The following SEC62 variants were observed in gnomAD, a reference collection of about 807,000 sequenced individuals.
SEC62 encodes SEC62 preprotein translocation factor, also known as translocation protein SEC62.
SEC62 carries 10 observed loss-of-function variants against 47.5 expected under a neutral mutation model. The observed-to-expected ratio is 0.21, with a 90% CI of 0.13 to 0.36. The LOEUF is 0.36. Ranked by LOEUF, SEC62 falls within the 10% of genes least tolerant of loss-of-function variation. The probability of loss-of-function intolerance (pLI) is 1.00; values close to 1 mark genes in which losing one functional copy is unlikely to be tolerated. For synonymous variants in SEC62, 136 were observed against 150.5 expected (o/e 0.90, Z 0.71); for missense variants, 327 against 464.1 (o/e 0.70, Z 2.71).
At chr3:169,981,239 T>G (rs1253933810) in intron 3 of SEC62, among the ~76,000 whole-genome samples, 1 of 152,212 alleles carries the variant, frequency 6.6e-6, no homozygotes, top group Non-Finnish European at 1.5e-5. Context: ...TAAAAATAGC[T>G]CTTCCAAATA....
chr3:169,977,289 G>T (rs1190062926), intron 3 of SEC62, among the ~76,000 whole-genome samples: 1 of 151,972 alleles, frequency 6.6e-6, no homozygotes, highest in Non-Finnish European at 1.5e-5. Context: ...CCTACTGAAG[G>T]GTCAGCAACA....
At chr3:169,985,623 C>T (rs1380978612) in intron 5 of SEC62, 182 bp from the exon 6 acceptor site, 2 of 467,960 alleles carry the variant, frequency 4.3e-6, no homozygotes, top group South Asian at 4.4e-5. Context: ...TAATCATTTT[C>T]TAGCGCCAGA....
intron 1 of SEC62, chr3:169,969,313 C>T (rs1037665014): frequency 6.8e-5 from 31 of 456,400 alleles, no homozygotes; most frequent in Middle Eastern, 3.2e-4. Context: ...CGTGTCCCAT[C>T]GAAGTTTCTA....
At chr3:169,976,374 GAAA>G (rs5854361) in intron 2 of SEC62, among the ~76,000 whole-genome samples, 1 of 149,354 alleles carries the variant, frequency 6.7e-6, no homozygotes, top group Non-Finnish European at 1.5e-5. Flanking sequence ...TCTCTTAGAA[GAAA>G]AAAAAAACTA....
chr3:169,986,537 A>G (rs1190630653), intron 6 of SEC62, among the ~76,000 whole-genome samples: 1 of 151,932 alleles, frequency 6.6e-6, no homozygotes, highest in East Asian at 1.9e-4. Context: ...TATACCTAGA[A>G]TAGATAAAAA....
chr3:169,985,731 A>C lies in SEC62; in HGVS notation c.550-74A>C. 3 of 1,219,926 alleles carry C rather than the reference A, an allele frequency of 2.5e-6. No homozygotes were observed. In the South Asian group the frequency reaches 4.2e-5, roughly 17 times the overall value. 75.6% of individuals were successfully genotyped at this position (1,219,926 alleles called of 1,614,324 possible). A position where few individuals can be genotyped will look rare whatever the true frequency, so the allele number is the denominator to read the frequency against. ...GTTGATGACTGCTTTAAGGGACCTA[A>C]AATATAGAATTAAGCATTACTTTCT... On this transcript the variant is annotated intron_variant, in intron 5 of 7. Coordinates refer to ENST00000337002, the MANE Select transcript of SEC62 (RefSeq NM_003262.4).
chr3:169,979,602 C>A (rs1302785220), intron 3 of SEC62, among the ~76,000 whole-genome samples: 1 of 152,186 alleles, frequency 6.6e-6, no homozygotes, highest in East Asian at 1.9e-4. Context: ...TAACTTGCCA[C>A]TTTCCCTAAA....
intron 7 of SEC62, among the ~76,000 whole-genome samples, chr3:169,990,022 CATATATATCATATA>C (rs973272785): frequency 1.3e-4 from 19 of 141,176 alleles, no homozygotes; most frequent in Non-Finnish European, 1.8e-4. Flanking sequence ...TATTATATAT[CATATATATCATATA>C]ATATATATCA....
intron 1 of SEC62, among the ~76,000 whole-genome samples, chr3:169,973,887 C>A (rs184283577): frequency 5.9e-5 from 9 of 152,126 alleles, no homozygotes; most frequent in Admixed American, 3.9e-4. Context: ...AGAGGACTTG[C>A]GAAATACAAA....
intron 7 of SEC62, among the ~76,000 whole-genome samples, chr3:169,990,746 T>G (rs1715231158): frequency 6.6e-6 from 1 of 152,218 alleles, no homozygotes; most frequent in African/African-American, 2.4e-5. Context: ...CCTTTTCCGT[T>G]TATACCACGA....
In SEC62 at chr3:169,988,255, C is replaced by T. The variant is rs1367183145; in HGVS notation, c.626C>T (p.Ala209Val). 10 of 1,613,578 alleles carry T rather than the reference C, an allele frequency of 6.2e-6. No individual in the cohort carries two copies. Among genetic ancestry groups the T allele is most frequent in the Middle Eastern group, 1.7e-4 (1 of 6,060 alleles). ...MGLILVIAVI[A>V]ATLFPLWPAE... Reference sequence around the variant, plus strand: ...CTTGTTCCAGTGATTGCAGTAATAGCGGCCACCCTCTTCCCCCTTTGGCCA... The same window carrying T: ...CTTGTTCCAGTGATTGCAGTAATAGTGGCCACCCTCTTCCCCCTTTGGCCA... The change falls in exon 7 of 8, where the codon GCG becomes GTG. Residue 209 changes from alanine (A) to valine (V), a missense_variant. This residue lies in a region of SEC62 where 99 missense variants were observed against 194.0 expected (regional missense o/e 0.51). Coordinates refer to ENST00000337002, the MANE Select transcript of SEC62 (RefSeq NM_003262.4).
At chr3:169,966,967 T>TGGGGG (rs1714543361) in intron 1 of SEC62, 109 bp downstream of exon 1, 3 of 60,206 alleles carry the variant, frequency 5.0e-5, no homozygotes, top group South Asian at 3.4e-4. Context: ...TGGGGTGGGG[T>TGGGGG]GGGGTGGGGT....
At chr3:169,973,593 G>T (rs1714758190) in intron 1 of SEC62, among the ~76,000 whole-genome samples, 1 of 151,824 alleles carries the variant, frequency 6.6e-6, no homozygotes, top group South Asian at 2.1e-4. Flanking sequence ...AACTCAGGAG[G>T]TGGGGGTTGC....
chr3:169,969,707 C>A (rs758737780), intron 1 of SEC62, among the ~76,000 whole-genome samples: 26 of 152,184 alleles, frequency 1.7e-4, no homozygotes, highest in Non-Finnish European at 2.6e-4. Context: ...AATACTCTTT[C>A]TGTCTCACAA....
In SEC62 at chr3:169,996,939, G is replaced by A. The variant is rs374547539; in HGVS notation, c.*3876G>A. On this transcript the variant is annotated 3_prime_UTR_variant, in exon 8 of 8. Transcript: ENST00000337002. ...CCAATACCAAGGAGAAATTCCTAGGGAACAAAAATTCCAATGAGGAATTGA... is the reference window on the plus strand; with the variant it reads ...CCAATACCAAGGAGAAATTCCTAGGAAACAAAAATTCCAATGAGGAATTGA... 3.6e-4 allele frequency: 55 copies of A among 152,242 alleles called. No homozygotes were observed. The East Asian group carries it at 5.2e-3, about 14-fold the overall frequency. The allele number at this position is 152,242 out of a possible 1,614,324, so 9.4% of individuals were successfully genotyped here.
intron 5 of SEC62, chr3:169,983,484 A>G: frequency 3.2e-6 from 1 of 310,850 alleles, no homozygotes; most frequent in Non-Finnish European, 6.0e-6. Flanking sequence ...AATACAAAAT[A>G]GATGCTTATT....
At chr3:169,968,949 C>T (rs543347720) in intron 1 of SEC62, among the ~76,000 whole-genome samples, 1 of 152,132 alleles carries the variant, frequency 6.6e-6, no homozygotes, top group Non-Finnish European at 1.5e-5. Flanking sequence ...GCCTAACACA[C>T]TTATGAAAAT....
rs1179196846 is a variant in SEC62, at chr3:169,975,683, A to C, written c.112A>C (p.Asn38His). The part of the protein sequence containing the change: ...LRFNCPTKST[N>H]MMGHRVDYFI... Reference sequence around the variant, plus strand: ...ATTCAACTGTCCAACAAAGTCCACCAATATGATGGGTCACCGGGTTGATTA... The same window carrying C: ...ATTCAACTGTCCAACAAAGTCCACCCATATGATGGGTCACCGGGTTGATTA... Residue 38 changes from asparagine (N) to histidine (H), a missense_variant, in exon 2 of 8, where the codon AAT (asparagine) becomes CAT (histidine). By Grantham distance (68) the Asn-to-His change is moderately conservative. This residue lies in a region of SEC62 where 126 missense variants were observed against 161.2 expected (regional missense o/e 0.78). Transcript: ENST00000337002. 1.9e-6 allele frequency: 3 copies of C among 1,613,032 alleles called. No individual in the cohort carries two copies. Among genetic ancestry groups the C allele is most frequent in the Non-Finnish European group, 1.7e-6 (2 of 1,179,044 alleles).
In SEC62 at chr3:169,992,309, C is replaced by T. The variant is rs1184913394; in HGVS notation, c.731-285C>T. Reference sequence around the variant, plus strand: ...AGCAACATTCTGTGCCCCTAGAATACCGTGATAGCTGCTAAACTAGTCAGG... The same window carrying T: ...AGCAACATTCTGTGCCCCTAGAATATCGTGATAGCTGCTAAACTAGTCAGG... On this transcript the variant is annotated intron_variant, in intron 7 of 7. Coordinates refer to ENST00000337002, the MANE Select transcript of SEC62 (RefSeq NM_003262.4). This position sits in a 1 kb window ranked among gnomAD's most constrained non-coding sequence, Gnocchi z 4.0. 6.6e-6 allele frequency among the ~76,000 whole-genome samples: 1 copy of T among 152,126 alleles called. No homozygotes were observed. Among genetic ancestry groups the T allele is most frequent in the Non-Finnish European group, 1.5e-5 (1 of 68,022 alleles).
Sources: allele counts gnomAD v4.1 joint callset (sites outside exome capture counted in the v4.1 genomes callset), GRCh38; gene constraint gnomAD v4.1.1; regional missense constraint gnomAD v4.1.1; non-coding constraint Gnocchi (gnomAD v3.1); transcripts MANE v1.5; gene names NCBI Gene and HGNC (gene_info 2026-07-23, HGNC 2026-07-21).